Variants in ABL1 observed in about 807,000 individuals in gnomAD.
The protein encoded by ABL1 is tyrosine-protein kinase ABL1.
A neutral mutation model predicts 94.7 loss-of-function variants in ABL1; 11 were observed. That is an observed-to-expected ratio of 0.12 (90% CI 0.07 to 0.19). ABL1 has a LOEUF of 0.19. Among genes scored for constraint, ABL1 ranks in the 10% least tolerant of loss-of-function variants. ABL1 has a pLI of 1.00. For missense variants in ABL1, 1,082 were observed against 1,489.4 expected (o/e 0.73, Z 4.50); for synonymous variants, 656 against 622.4 (o/e 1.05, Z -0.80).
intron 1 of ABL1, among the ~76,000 whole-genome samples, chr9:130,750,644 C>CTTTTT (rs71389345): frequency 0.019 from 1,642 of 87,258 alleles, 174 homozygotes; most frequent in African/African-American, 0.063. Flanking sequence ...CTTTTTCTTT[C>CTTTTT]TTTTTTTTTT....
At chr9:130,838,526 CT>C (rs1050351377) in intron 1 of ABL1, among the ~76,000 whole-genome samples, 1 of 152,114 alleles carries the variant, frequency 6.6e-6, no homozygotes, top group African/African-American at 2.4e-5. Flanking sequence ...GGCAATCACC[CT>C]GGAGTTTTAT....
intron 1 of ABL1, among the ~76,000 whole-genome samples, chr9:130,828,097 A>T (rs1564302305): frequency 1.3e-5 from 2 of 151,934 alleles, no homozygotes; most frequent in Non-Finnish European, 2.9e-5. Flanking sequence ...TTATTTATTT[A>T]TTTATTTTTG....
At position 130,854,088 on chromosome 9, in the gene ABL1, C is replaced by G. The variant is rs2132956133; in HGVS notation, c.104C>G (p.Ser35Cys). Residue 35 changes from serine to cysteine, a missense_variant, in exon 2 of 11, where the codon TCT (serine) becomes TGT (cysteine). By Grantham distance (112) the Ser-to-Cys change is moderately radical. This residue lies in a region of ABL1 where 65 missense variants were observed against 80.8 expected (regional missense o/e 0.80). Transcript: ENST00000318560. Reference sequence around the variant, plus strand: ...GAAGCCCTTCAGCGGCCAGTAGCATCTGACTTTGAGCCTCAGGGTCTGAGT... The same window carrying G: ...GAAGCCCTTCAGCGGCCAGTAGCATGTGACTTTGAGCCTCAGGGTCTGAGT... ...LEEALQRPVA[S>C]DFEPQGLSEA... 1.2e-6 allele frequency: 2 copies of G among 1,613,966 alleles called. No homozygotes were observed. The highest frequency in any genetic ancestry group is 1.7e-6 in the Non-Finnish European group (2 of 1,179,972).
intron 10 of ABL1, among the ~76,000 whole-genome samples, chr9:130,882,783 C>G (rs1216602710): frequency 6.6e-6 from 1 of 152,186 alleles, no homozygotes; most frequent in Non-Finnish European, 1.5e-5. Flanking sequence ...ATCCGCCCAC[C>G]TCAGCCTCCC....
At chr9:130,859,951 T>A (rs954274931) in intron 3 of ABL1, among the ~76,000 whole-genome samples, 2 of 152,148 alleles carry the variant, frequency 1.3e-5, no homozygotes, top group East Asian at 3.9e-4. Flanking sequence ...AGTGCTGGGA[T>A]TACAGGCGTG....
intron 1 of ABL1, among the ~76,000 whole-genome samples, chr9:130,716,284 A>G (rs886489735): frequency 6.6e-6 from 1 of 151,460 alleles, no homozygotes; most frequent in African/African-American, 2.4e-5. Context: ...TTTAGTAGAG[A>G]CGGGGTTTCG....
chr9:130,821,196 C>A (rs1669776911), intron 1 of ABL1, among the ~76,000 whole-genome samples: 1 of 152,154 alleles, frequency 6.6e-6, no homozygotes, highest in African/African-American at 2.4e-5. Context: ...TCCCAAAGTG[C>A]TGGGATTACA....
chr9:130,843,248 AC>A (rs200668177), intron 1 of ABL1, among the ~76,000 whole-genome samples: 2,869 of 152,282 alleles, frequency 0.019, 37 homozygotes, highest in Middle Eastern at 0.061. Context: ...CTTGGTCTCT[AC>A]CCCAGAGGAG....
intron 1 of ABL1, among the ~76,000 whole-genome samples, chr9:130,745,925 T>C (rs970101448): frequency 7.0e-6 from 1 of 142,574 alleles, no homozygotes; most frequent in African/African-American, 2.5e-5. Context: ...GTGGGCTTTG[T>C]ACTTAACGGA....
upstream of ABL1, among the ~76,000 whole-genome samples, chr9:130,830,304 A>G (rs750903113): frequency 6.6e-6 from 1 of 152,172 alleles, no homozygotes; most frequent in Non-Finnish European, 1.5e-5. Context: ...TATAGCCTGG[A>G]AATACCAACA....
At chr9:130,740,191 C>T (rs1219927561) in intron 1 of ABL1, among the ~76,000 whole-genome samples, 2 of 152,210 alleles carry the variant, frequency 1.3e-5, no homozygotes, top group African/African-American at 2.4e-5. Flanking sequence ...GAGATTCACA[C>T]ACACACAATC....
intron 1 of ABL1, among the ~76,000 whole-genome samples, chr9:130,728,695 T>TG (rs1831623708): frequency 6.6e-6 from 1 of 151,624 alleles, no homozygotes; most frequent in African/African-American, 2.4e-5. Context: ...CAGCCTGTTT[T>TG]TTTTTTTTAT....
At chr9:130,834,310 T>G (rs573123439), upstream of ABL1, among the ~76,000 whole-genome samples, 26 of 152,318 alleles carry the variant, frequency 1.7e-4, no homozygotes, top group Middle Eastern at 0.01. Context: ...ATGAAAGAAA[T>G]AAATGAAATA....
intron 1 of ABL1, among the ~76,000 whole-genome samples, chr9:130,805,300 G>A (rs1329887659): frequency 4.6e-5 from 7 of 152,094 alleles, no homozygotes; most frequent in Non-Finnish European, 8.8e-5. Flanking sequence ...GGCTGGTCTC[G>A]AACTCCTGAC....
At chr9:130,813,172 A>G (rs11244152) in intron 1 of ABL1, among the ~76,000 whole-genome samples, 40,900 of 149,292 alleles carry the variant, frequency 0.27, 7,731 homozygotes, top group African/African-American at 0.55. Flanking sequence ...CCGAGATTGC[A>G]CTACTGCACT....
At chr9:130,744,149 C>CT (rs1318650002) in intron 1 of ABL1, among the ~76,000 whole-genome samples, 3 of 149,346 alleles carry the variant, frequency 2.0e-5, no homozygotes, top group African/African-American at 4.9e-5. Flanking sequence ...TTGTTTTTTT[C>CT]TTTTTTTCCC....
chr9:130,753,538 G>T (rs1831996844), intron 1 of ABL1, among the ~76,000 whole-genome samples: 1 of 142,478 alleles, frequency 7.0e-6, no homozygotes, highest in Non-Finnish European at 1.5e-5. Context: ...CAATTCTCCT[G>T]CCTCAGCCTC....
At chr9:130,877,310 G>A (rs1831363441) in intron 7 of ABL1, among the ~76,000 whole-genome samples, 1 of 148,404 alleles carries the variant, frequency 6.7e-6, no homozygotes, top group South Asian at 2.1e-4. Context: ...CCTTTAATGG[G>A]AAATGGAATT....
intron 1 of ABL1, among the ~76,000 whole-genome samples, chr9:130,758,156 GA>G (rs1832064714): frequency 7.0e-6 from 1 of 142,206 alleles, no homozygotes; most frequent in Admixed American, 7.1e-5. Context: ...GAGTGGCTAA[GA>G]TTTTTTTTTT....
Sources: gnomAD v4.1 joint callset for allele counts (sites outside exome capture counted in the v4.1 genomes callset) on GRCh38, gnomAD v4.1.1 for gene constraint, gnomAD v4.1.1 regional missense constraint, MANE v1.5 for transcripts, NCBI Gene and HGNC (gene_info 2026-07-23, HGNC 2026-07-21) for gene names.